The following ZNRF1 variants were observed in gnomAD, a reference collection of about 807,000 sequenced individuals.
ZNRF1 encodes E3 ubiquitin-protein ligase ZNRF1.
ZNRF1 carries 3 observed loss-of-function variants against 18.4 expected under a neutral mutation model. That is an observed-to-expected ratio of 0.16 (90% CI 0.07 to 0.42). ZNRF1 has a LOEUF of 0.42. Among genes scored for constraint, ZNRF1 ranks in the 10% least tolerant of loss-of-function variants. The pLI, the probability that ZNRF1 is intolerant of heterozygous loss-of-function variation, is 0.99. For synonymous variants in ZNRF1, 157 were observed against 144.2 expected (o/e 1.09, Z -0.64); for missense variants, 310 against 329.8 (o/e 0.94, Z 0.47).
intron 1 of ZNRF1, among the ~76,000 whole-genome samples, chr16:75,003,687 G>A (rs1006728175): frequency 3.9e-5 from 6 of 152,274 alleles, no homozygotes; most frequent in East Asian, 1.9e-4. Flanking sequence ...TGGAGATTGC[G>A]CTGGCCTACG....
intron 1 of ZNRF1, among the ~76,000 whole-genome samples, chr16:75,086,687 A>G (rs764449639): frequency 7.9e-5 from 12 of 152,238 alleles, no homozygotes; most frequent in Admixed American, 2.6e-4. Context: ...TTTTATTGAC[A>G]CTAAGCACCA....
intron 3 of ZNRF1, chr16:75,105,138 T>G: frequency 2.3e-6 from 1 of 426,978 alleles, no homozygotes; most frequent in Non-Finnish European, 4.4e-6. Flanking sequence ...TGGTGGGAGC[T>G]GATGGGGAGA....
intron 4 of ZNRF1, chr16:75,106,785 C>A: frequency 1.9e-6 from 1 of 515,520 alleles, no homozygotes; most frequent in Non-Finnish European, 3.5e-6. Context: ...TTATGAAGAA[C>A]AGGCTCAGAA....
In ZNRF1 at chr16:75,068,018, CTAT is replaced by C. The variant is rs1374648728; in HGVS notation, c.425-25547_425-25545del. Among the ~76,000 whole-genome samples, 3 of 151,814 alleles carry C rather than the reference CTAT, an allele frequency of 2.0e-5. No homozygotes were observed. In the East Asian group the frequency reaches 5.8e-4, roughly 29 times the overall value. ...TATAATTCACTGCAGTTTTAAAAAACTATTATTATAAAAACTTTCAAACATTCA... is the reference window on the plus strand; with the variant it reads ...TATAATTCACTGCAGTTTTAAAAAACTATTATAAAAACTTTCAAACATTCA... On this transcript the variant is annotated intron_variant, in intron 1 of 4. Transcript: ENST00000335325.
chr16:75,022,272 ATAAT>A (rs1285761721), intron 1 of ZNRF1, among the ~76,000 whole-genome samples: 1 of 151,412 alleles, frequency 6.6e-6, no homozygotes, highest in African/African-American at 2.4e-5. Flanking sequence ...TTTTTAAAAA[ATAAT>A]TAATTGGCTG....
intron 2 of ZNRF1, chr16:75,095,028 C>G (rs1000086764): frequency 6.6e-6 from 1 of 152,210 alleles, no homozygotes; most frequent in Non-Finnish European, 1.5e-5. Context: ...GCTCTTTCCC[C>G]TACAAAGCAT....
At chr16:75,019,336 G>A (rs1008148865) in intron 1 of ZNRF1, among the ~76,000 whole-genome samples, 3 of 151,642 alleles carry the variant, frequency 2.0e-5, no homozygotes, top group African/African-American at 7.3e-5. Context: ...CACCATGCCT[G>A]GACAAAATAC....
chr16:75,080,739 C>T (rs964051617), intron 1 of ZNRF1, among the ~76,000 whole-genome samples: 3 of 152,086 alleles, frequency 2.0e-5, no homozygotes, highest in Admixed American at 6.5e-5. Flanking sequence ...GGCATGGTGG[C>T]GCACTGGCCT....
At chr16:75,089,928 T>C (rs1284766203) in intron 1 of ZNRF1, among the ~76,000 whole-genome samples, 3 of 152,198 alleles carry the variant, frequency 2.0e-5, no homozygotes, top group African/African-American at 7.2e-5. Context: ...TTCTGAGTTA[T>C]CAGAAACATA....
intron 2 of ZNRF1, among the ~76,000 whole-genome samples, chr16:75,100,555 C>T (rs1418120160): frequency 6.6e-6 from 1 of 152,220 alleles, no homozygotes; most frequent in African/African-American, 2.4e-5. Flanking sequence ...CTGGAGCTGA[C>T]ACAGATGGGG....
intron 2 of ZNRF1, among the ~76,000 whole-genome samples, chr16:75,099,299 T>C (rs979746098): frequency 2.0e-5 from 3 of 152,138 alleles, no homozygotes; most frequent in Admixed American, 2.0e-4. Flanking sequence ...CTTTTGCTCC[T>C]CCTCCCAGAT....
intron 1 of ZNRF1, among the ~76,000 whole-genome samples, chr16:75,011,378 G>T (rs1429668224): frequency 1.3e-5 from 2 of 152,114 alleles, no homozygotes; most frequent in Non-Finnish European, 2.9e-5. Context: ...GCTTTTCGAA[G>T]AAACTTTTAT....
At chr16:75,087,800 C>T (rs1240707376) in intron 1 of ZNRF1, among the ~76,000 whole-genome samples, 1 of 152,242 alleles carries the variant, frequency 6.6e-6, no homozygotes, top group East Asian at 1.9e-4. Context: ...GCTTGGCCAG[C>T]AAGCCCGAGC....
At chr16:75,096,676 T>C (rs1030810285) in intron 2 of ZNRF1, among the ~76,000 whole-genome samples, 4 of 152,118 alleles carry the variant, frequency 2.6e-5, no homozygotes, top group Non-Finnish European at 5.9e-5. Context: ...TTGGCACCAA[T>C]TGCGGAAATT....
chr16:75,095,486 G>T, intron 2 of ZNRF1: 1 of 1,166,216 alleles, frequency 8.6e-7, no homozygotes, highest in Non-Finnish European at 1.2e-6. Flanking sequence ...CCCTAGCCAT[G>T]GCCTCAAAAA....
intron 1 of ZNRF1, chr16:75,046,968 AT>A (rs1470525495): frequency 6.6e-6 from 1 of 152,304 alleles, no homozygotes; most frequent in Non-Finnish European, 1.5e-5. Context: ...ATTATTTTTT[AT>A]TTCTGTGGAT....
intron 1 of ZNRF1, among the ~76,000 whole-genome samples, chr16:75,026,727 G>A (rs980905129): frequency 6.6e-6 from 1 of 152,018 alleles, no homozygotes; most frequent in Admixed American, 6.6e-5. Context: ...CTTGAGGCCA[G>A]GAGTTCGAGA....
chr16:75,049,451 C>G (rs1027456437), intron 1 of ZNRF1, among the ~76,000 whole-genome samples: 9 of 150,364 alleles, frequency 6.0e-5, no homozygotes, highest in Middle Eastern at 3.7e-3. Context: ...CTCAGCCTCC[C>G]GAGCAGCTGG....
At chr16:75,013,829 T>C (rs2035031120) in intron 1 of ZNRF1, among the ~76,000 whole-genome samples, 1 of 152,064 alleles carries the variant, frequency 6.6e-6, no homozygotes. Flanking sequence ...ATTTTTAATT[T>C]AATTTTATTT....
Sources: allele counts gnomAD v4.1 joint callset (sites outside exome capture counted in the v4.1 genomes callset), GRCh38; gene constraint gnomAD v4.1.1; transcripts MANE v1.5; gene names NCBI Gene and HGNC (gene_info 2026-07-23, HGNC 2026-07-21).